Variants in TRPS1 observed in about 807,000 individuals in gnomAD.
TRPS1 encodes zinc finger transcription factor Trps1.
TRPS1 carries 6 observed loss-of-function variants against 101.2 expected under a neutral mutation model. That is an observed-to-expected ratio of 0.06 (90% CI 0.03 to 0.12). TRPS1 has a LOEUF of 0.12. Ranked by LOEUF, TRPS1 falls within the 10% of genes least tolerant of loss-of-function variation. TRPS1 has a pLI of 1.00. For synonymous variants in TRPS1, 578 were observed against 589.8 expected (o/e 0.98, Z 0.29); for missense variants, 1,363 against 1,567.0 (o/e 0.87, Z 2.20).
intron 5 of TRPS1, among the ~76,000 whole-genome samples, chr8:115,475,362 G>A (rs1249419823): frequency 6.8e-6 from 1 of 147,310 alleles, no homozygotes; most frequent in Non-Finnish European, 1.5e-5. Context: ...TTCCTTCCTT[G>A]TAAAACCTGG....
intron 4 of TRPS1, among the ~76,000 whole-genome samples, chr8:115,592,853 TC>T (rs1258495366): frequency 6.6e-6 from 1 of 152,156 alleles, no homozygotes; most frequent in Non-Finnish European, 1.5e-5. Context: ...TCTTACAAGG[TC>T]CCCAGACCAC....
chr8:115,420,380 G>A (rs954952724), intron 5 of TRPS1, among the ~76,000 whole-genome samples: 3 of 152,182 alleles, frequency 2.0e-5, no homozygotes, highest in African/African-American at 7.2e-5. Flanking sequence ...AGTTATAATT[G>A]TGAAACTTTC....
At chr8:115,470,455 C>T (rs1242370277) in intron 5 of TRPS1, among the ~76,000 whole-genome samples, 1 of 152,040 alleles carries the variant, frequency 6.6e-6, no homozygotes, top group African/African-American at 2.4e-5. Flanking sequence ...AGATCATTGC[C>T]TATCTTACCT....
At chr8:115,651,062 A>C (rs987492239) in intron 1 of TRPS1, among the ~76,000 whole-genome samples, 1 of 152,208 alleles carries the variant, frequency 6.6e-6, no homozygotes, top group Non-Finnish European at 1.5e-5. Context: ...TTAAAAAGGC[A>C]CATTTCTGAC....
intron 5 of TRPS1, among the ~76,000 whole-genome samples, chr8:115,544,535 T>TA (rs1401031456): frequency 6.6e-6 from 1 of 151,952 alleles, no homozygotes; most frequent in African/African-American, 2.4e-5. Context: ...AAATACTAAT[T>TA]AAAAAGCTGT....
In TRPS1 at chr8:115,619,796, T is replaced by A. The variant is rs1047260400; in HGVS notation, c.302A>T (p.Tyr101Phe). 1 of 1,614,230 alleles carries A rather than the reference T, an allele frequency of 6.2e-7. No homozygotes were observed. Among genetic ancestry groups the A allele is most frequent in the South Asian group, 1.1e-5 (1 of 91,088 alleles). ...GTTTCCTCCCTTACTGGGGCTTTCATAATTGAAGCCAGCCTTCTCACTCAG... is the reference window on the plus strand; with the variant it reads ...GTTTCCTCCCTTACTGGGGCTTTCAAAATTGAAGCCAGCCTTCTCACTCAG... ...AVLSEKAGFN[Y>F]ESPSKGGNFP... Residue 101 changes from tyrosine to phenylalanine, a missense_variant, in exon 3 of 7, where the codon TAT becomes TTT. Tyr to Phe is a conservative substitution (Grantham distance 22). Transcript: ENST00000395715.
chr8:115,632,470 G>C (rs1818667822), intron 1 of TRPS1, among the ~76,000 whole-genome samples: 1 of 151,912 alleles, frequency 6.6e-6, no homozygotes. Context: ...ATTTTAAAAT[G>C]CGCGTACACA....
At chr8:115,539,959 T>G (rs2130302997) in intron 5 of TRPS1, among the ~76,000 whole-genome samples, 1 of 152,360 alleles carries the variant, frequency 6.6e-6, no homozygotes, top group Non-Finnish European at 1.5e-5. Context: ...GTTTCTCTCA[T>G]TCTTCAAAGT....
At chr8:115,553,665 T>C (rs1374176929) in intron 5 of TRPS1, among the ~76,000 whole-genome samples, 1 of 152,164 alleles carries the variant, frequency 6.6e-6, no homozygotes, top group Non-Finnish European at 1.5e-5. Flanking sequence ...CACCACAACA[T>C]ATATAAGCAG....
chr8:115,633,765 A>C (rs961622497), intron 1 of TRPS1, among the ~76,000 whole-genome samples: 1 of 152,200 alleles, frequency 6.6e-6, no homozygotes, highest in Non-Finnish European at 1.5e-5. Flanking sequence ...CTGTGTTTAC[A>C]TGAAGTGTGT....
At chr8:115,595,864 T>A (rs1184525556) in intron 4 of TRPS1, among the ~76,000 whole-genome samples, 1 of 151,742 alleles carries the variant, frequency 6.6e-6, no homozygotes, top group Non-Finnish European at 1.5e-5. Flanking sequence ...TGTGAGGTTT[T>A]ATTTGTTTGT....
chr8:115,640,977 C>A (rs1478086279), intron 1 of TRPS1, among the ~76,000 whole-genome samples: 1 of 152,180 alleles, frequency 6.6e-6, no homozygotes, highest in Non-Finnish European at 1.5e-5. Flanking sequence ...CCTGATTTTA[C>A]TACCTAACTT....
chr8:115,456,296 C>G (rs1814024291), intron 5 of TRPS1, among the ~76,000 whole-genome samples: 2 of 152,098 alleles, frequency 1.3e-5, no homozygotes, highest in Admixed American at 1.3e-4. Context: ...TTACGTGACC[C>G]TGAATTATTT....
At chr8:115,643,217 G>A (rs1432403061) in intron 1 of TRPS1, among the ~76,000 whole-genome samples, 1 of 152,100 alleles carries the variant, frequency 6.6e-6, no homozygotes, top group East Asian at 1.9e-4. Flanking sequence ...GGTGTCTATG[G>A]CAATTTCTTA....
chr8:115,600,622 C>T (rs1817886717), intron 4 of TRPS1, among the ~76,000 whole-genome samples: 1 of 152,018 alleles, frequency 6.6e-6, no homozygotes, highest in Non-Finnish European at 1.5e-5. Context: ...TTCACTTCTC[C>T]CTACTCTGTG....
intron 1 of TRPS1, among the ~76,000 whole-genome samples, chr8:115,662,510 G>A (rs1473768797): frequency 1.3e-5 from 2 of 151,944 alleles, no homozygotes; most frequent in South Asian, 2.1e-4. Context: ...TAATTTCTGG[G>A]TGGAGTGTCT....
In TRPS1 at chr8:115,412,120, A is replaced by T. The variant is rs1812804057; in HGVS notation, c.*1903T>A. The T allele has an allele frequency of 6.6e-6, 1 of 152,460 alleles. No homozygotes were observed. The highest frequency in any genetic ancestry group is 1.5e-5 in the Non-Finnish European group (1 of 67,970). The allele number at this position is 152,460 out of a possible 1,614,324, so 9.4% of individuals were successfully genotyped here. A position where few individuals can be genotyped will look rare whatever the true frequency, so the allele number is the denominator to read the frequency against. ...CATATGAAACATAGACAAAGCAATA[A>T]AAAGAGGATATATGTTTATCATCTT... On this transcript the variant is annotated 3_prime_UTR_variant, in exon 7 of 7. Coordinates refer to ENST00000395715, the MANE Select transcript of TRPS1 (RefSeq NM_014112.5).
At position 115,477,553 on chromosome 8, in the gene TRPS1, T is replaced by C. The variant is rs115499178; in HGVS notation, c.2701-59101A>G. On this transcript the variant is annotated intron_variant, in intron 5 of 6. Transcript: ENST00000395715. ...CAAATTGGAAACTCCAGCACAGAGG[T>C]GAATTTCCAATTTCCAACACAGTTC... Among the ~76,000 whole-genome samples, 319 of 152,264 alleles carry C rather than the reference T, an allele frequency of 2.1e-3. 3 individuals are homozygous for C. Among genetic ancestry groups the C allele is most frequent in the African/African-American group, 7.2e-3 (301 of 41,562 alleles).
chr8:115,515,184 A>T, intron 5 of TRPS1: 1 of 690,998 alleles, frequency 1.4e-6, no homozygotes, highest in South Asian at 1.5e-5. Flanking sequence ...GTTACTCTCC[A>T]TTATCTAAAT....
Sources: allele counts gnomAD v4.1 joint callset (sites outside exome capture counted in the v4.1 genomes callset), GRCh38; gene constraint gnomAD v4.1.1; transcripts MANE v1.5; gene names NCBI Gene and HGNC (gene_info 2026-07-23, HGNC 2026-07-21).